The following SLC4A10 variants were observed in gnomAD, a reference collection of about 807,000 sequenced individuals.
The protein encoded by SLC4A10 is solute carrier family 4 member 10, also known as sodium-driven chloride bicarbonate exchanger.
Under a neutral mutation model 137.7 loss-of-function variants are expected in SLC4A10, and 42 were observed. The ratio of observed to expected loss-of-function variants is 0.30; its 90% CI spans 0.24 to 0.39. The LOEUF (loss-of-function observed/expected upper bound fraction) is 0.39, where lower values mean the gene tolerates loss of function less well. SLC4A10 is among the 10% of genes least tolerant of loss of function. The pLI is 1.00. For missense variants in SLC4A10, 925 were observed against 1,355.0 expected (o/e 0.68, Z 4.98); for synonymous variants, 474 against 464.1 (o/e 1.02, Z -0.27).
chr2:161,898,802 G>A (rs2063782218), intron 11 of SLC4A10, among the ~76,000 whole-genome samples: 1 of 152,116 alleles, frequency 6.6e-6, no homozygotes, highest in Non-Finnish European at 1.5e-5. Flanking sequence ...TGAAGCTGAA[G>A]CTGAAGGAAA....
intron 19 of SLC4A10, among the ~76,000 whole-genome samples, chr2:161,956,534 G>T (rs1476605634): frequency 6.6e-6 from 1 of 152,098 alleles, no homozygotes; most frequent in African/African-American, 2.4e-5. Flanking sequence ...CTGTGCAAGA[G>T]GGCAGTTTTC....
At chr2:161,971,637 G>A (rs561285356) in intron 23 of SLC4A10, among the ~76,000 whole-genome samples, 1 of 152,214 alleles carries the variant, frequency 6.6e-6, no homozygotes, top group Non-Finnish European at 1.5e-5. Context: ...CTGTCGTGAC[G>A]GCTACTGCCT....
intron 1 of SLC4A10, among the ~76,000 whole-genome samples, chr2:161,718,575 G>T (rs1199629805): frequency 3.3e-5 from 5 of 152,204 alleles, no homozygotes; most frequent in Non-Finnish European, 7.3e-5. Context: ...TCATTCAGGA[G>T]TGGGTTGTTC....
chr2:161,729,404 A>G (rs1263259356), intron 1 of SLC4A10, among the ~76,000 whole-genome samples: 1 of 152,208 alleles, frequency 6.6e-6, no homozygotes, highest in African/African-American at 2.4e-5. Context: ...TCAGAAAGGT[A>G]TAGCATAAAG....
intron 11 of SLC4A10, among the ~76,000 whole-genome samples, chr2:161,899,270 C>T (rs1444029396): frequency 1.3e-5 from 2 of 151,834 alleles, no homozygotes; most frequent in Admixed American, 1.3e-4. Flanking sequence ...TTAAATTTAC[C>T]AATCTTAAAT....
At chr2:161,899,372 T>TGTCTCCA (rs200891698) in intron 11 of SLC4A10, among the ~76,000 whole-genome samples, 1,882 of 152,166 alleles carry the variant, frequency 0.012, 29 homozygotes, top group Middle Eastern at 0.065. Flanking sequence ...CTGTGCTACT[T>TGTCTCCA]GTCTCCAGTT....
chr2:161,675,539 A>G (rs2040190284), intron 1 of SLC4A10, among the ~76,000 whole-genome samples: 1 of 152,178 alleles, frequency 6.6e-6, no homozygotes, highest in Non-Finnish European at 1.5e-5. Context: ...TAAAAAAACC[A>G]CATATGCTAA....
At chr2:161,702,604 GT>G (rs1476390423) in intron 1 of SLC4A10, among the ~76,000 whole-genome samples, 1 of 151,770 alleles carries the variant, frequency 6.6e-6, no homozygotes, top group East Asian at 1.9e-4. Flanking sequence ...ACAAAAATCT[GT>G]CTTTCTGTTT....
chr2:161,702,901 C>T (rs1414829962), intron 1 of SLC4A10, among the ~76,000 whole-genome samples: 1 of 151,784 alleles, frequency 6.6e-6, no homozygotes, highest in African/African-American at 2.4e-5. Context: ...AGAAAACCTA[C>T]AAAGATAAGT....
intron 11 of SLC4A10, among the ~76,000 whole-genome samples, chr2:161,898,431 T>C (rs986075000): frequency 6.6e-6 from 1 of 152,154 alleles, no homozygotes; most frequent in Non-Finnish European, 1.5e-5. Flanking sequence ...TGTAATTGAA[T>C]AATAGATAGC....
intron 16 of SLC4A10, 87 bp from the exon 17 acceptor site, chr2:161,947,479 T>C: frequency 7.4e-7 from 1 of 1,356,640 alleles, no homozygotes; most frequent in Non-Finnish European, 1.0e-6. Context: ...GCATCTGAAC[T>C]ACAATTGATC....
chr2:161,844,612 T>TA (rs1320020869), intron 4 of SLC4A10, among the ~76,000 whole-genome samples: 9 of 152,056 alleles, frequency 5.9e-5, no homozygotes, highest in Admixed American at 1.3e-4. Context: ...ATGAGAGGAT[T>TA]AAAAATCTTA....
intron 15 of SLC4A10, among the ~76,000 whole-genome samples, chr2:161,927,285 C>A (rs1689342709): frequency 1.3e-5 from 2 of 152,064 alleles, no homozygotes; most frequent in Non-Finnish European, 2.9e-5. Context: ...TCTAAACTTT[C>A]CTTCTCACTT....
chr2:161,837,186 A>G (rs1049562211), intron 3 of SLC4A10, among the ~76,000 whole-genome samples: 31 of 152,352 alleles, frequency 2.0e-4, no homozygotes, highest in African/African-American at 6.7e-4. Context: ...TCACATATAT[A>G]TGATCTCTAC....
chr2:161,741,848 T>G (rs983023235), intron 1 of SLC4A10, among the ~76,000 whole-genome samples: 1 of 152,206 alleles, frequency 6.6e-6, no homozygotes, highest in African/African-American at 2.4e-5. Context: ...CTCTCATTAT[T>G]CTAAAACGCA....
At chr2:161,898,340 A>T (rs1015436774) in intron 11 of SLC4A10, among the ~76,000 whole-genome samples, 2 of 152,142 alleles carry the variant, frequency 1.3e-5, no homozygotes, top group Non-Finnish European at 2.9e-5. Context: ...CATATTAGAC[A>T]GCATAGTTCT....
At chr2:161,693,417 A>C (rs920711482) in intron 1 of SLC4A10, among the ~76,000 whole-genome samples, 2 of 152,098 alleles carry the variant, frequency 1.3e-5, no homozygotes, top group Admixed American at 1.3e-4. Context: ...CTGAAATTTC[A>C]GGTTTAAACT....
At chr2:161,923,858 GTTGA>G (rs1387324470) in intron 15 of SLC4A10, among the ~76,000 whole-genome samples, 3 of 152,064 alleles carry the variant, frequency 2.0e-5, no homozygotes, top group African/African-American at 4.8e-5. Flanking sequence ...ACCCCATGAG[GTTGA>G]TTATTATCAT....
chr2:161,915,762 G>A (rs568043270), intron 15 of SLC4A10, among the ~76,000 whole-genome samples: 3 of 152,302 alleles, frequency 2.0e-5, no homozygotes, highest in East Asian at 3.9e-4. Flanking sequence ...AGCAGGGTGG[G>A]CTGAGTAAAT....
Sources: allele counts gnomAD v4.1 joint callset (sites outside exome capture counted in the v4.1 genomes callset), GRCh38; gene constraint gnomAD v4.1.1; transcripts MANE v1.5; gene names NCBI Gene and HGNC (gene_info 2026-07-23, HGNC 2026-07-21).